Variants in PSD3 observed in about 807,000 individuals in gnomAD.
PSD3 encodes the protein pleckstrin and Sec7 domain containing 3, also known as PH and SEC7 domain-containing protein 3.
In PSD3, 49 loss-of-function variants were observed where a neutral mutation model predicts 105.5. That is an observed-to-expected ratio of 0.46 (90% CI 0.37 to 0.59). The LOEUF is 0.59. PSD3 is among the 20% of genes least tolerant of loss of function. The pLI is 0.00. For missense variants in PSD3, 1,561 were observed against 1,263.8 expected (o/e 1.24, Z -3.57); for synonymous variants, 557 against 457.8 (o/e 1.22, Z -2.77).
intron 3 of PSD3, among the ~76,000 whole-genome samples, chr8:18,871,040 A>T (rs556776438): frequency 6.6e-6 from 1 of 152,306 alleles, no homozygotes; most frequent in African/African-American, 2.4e-5. Context: ...TCAAGGCCGC[A>T]GTGAGCCGTG....
chr8:18,801,965 T>A (rs2469947), intron 6 of PSD3, among the ~76,000 whole-genome samples: 134,532 of 151,740 alleles, frequency 0.89, 59,821 homozygotes, highest in Non-Finnish European at 0.92. Context: ...AGGTCAGATT[T>A]AAAAAAAACA....
Position 19,079,600 on chromosome 8 carries a change from G to C in PSD3, c.324+4606C>G, listed in dbSNP as rs562392628. ...TTAATGAGGTAAGTGACTGCTTCCT[G>C]GGGGTTAAGTAGACCAGGGAGTCAA... On this transcript the variant is annotated intron_variant, in intron 1 of 1. Coordinates refer to the PSD3 transcript ENST00000521475. Among the ~76,000 whole-genome samples the C allele has an allele frequency of 2.6e-5, 4 of 152,264 alleles. No homozygotes were observed. The South Asian group carries it at 8.3e-4, about 32-fold the overall frequency.
At chr8:18,871,486 G>T in intron 3 of PSD3, 140 bp downstream of exon 3, 2 of 1,105,028 alleles carry the variant, frequency 1.8e-6, no homozygotes, top group Non-Finnish European at 2.6e-6. Flanking sequence ...GAAGGACCTA[G>T]CTCACAGTAA....
At chr8:18,612,625 C>G (rs560821997) in intron 11 of PSD3, among the ~76,000 whole-genome samples, 2 of 152,276 alleles carry the variant, frequency 1.3e-5, no homozygotes, top group Non-Finnish European at 2.9e-5. Context: ...CTGCCTCGGC[C>G]TCCCAAAGTG....
At chr8:18,745,741 T>C (rs565311350) in intron 9 of PSD3, among the ~76,000 whole-genome samples, 10 of 152,350 alleles carry the variant, frequency 6.6e-5, no homozygotes, top group African/African-American at 2.2e-4. Context: ...TATATTTACA[T>C]GCATATATAC....
intron 11 of PSD3, among the ~76,000 whole-genome samples, chr8:18,630,737 G>A (rs1267267010): frequency 6.6e-6 from 1 of 151,708 alleles, no homozygotes; most frequent in African/African-American, 2.4e-5. Flanking sequence ...TTCTGCAACT[G>A]TGTATTCAAC....
intron 2 of PSD3, among the ~76,000 whole-genome samples, chr8:18,898,904 C>T (rs1416892776): frequency 6.6e-6 from 1 of 152,120 alleles, no homozygotes; most frequent in Non-Finnish European, 1.5e-5. Flanking sequence ...CAGGCACATT[C>T]AGTGTAAATG....
intron 11 of PSD3, among the ~76,000 whole-genome samples, chr8:18,629,145 T>C (rs1585434223): frequency 6.6e-6 from 1 of 151,988 alleles, no homozygotes; most frequent in African/African-American, 2.4e-5. Context: ...AAAGTGGCTG[T>C]ATTAATATTA....
chr8:18,974,701 G>A (rs1824834337), intron 1 of PSD3, among the ~76,000 whole-genome samples: 1 of 151,904 alleles, frequency 6.6e-6, no homozygotes, highest in Non-Finnish European at 1.5e-5. Flanking sequence ...ACAGTGAAGG[G>A]GCAGGGGAAC....
intron 9 of PSD3, among the ~76,000 whole-genome samples, chr8:18,748,724 T>C (rs1220948974): frequency 6.7e-6 from 1 of 149,436 alleles, no homozygotes; most frequent in Non-Finnish European, 1.5e-5. Flanking sequence ...TCAGTTATAA[T>C]ACGGCAGTAA....
At chr8:18,947,571 G>A (rs951313859) in intron 1 of PSD3, among the ~76,000 whole-genome samples, 9 of 152,154 alleles carry the variant, frequency 5.9e-5, no homozygotes, top group African/African-American at 2.2e-4. Flanking sequence ...GTGGCGGGGG[G>A]CCCAGAGCAG....
At chr8:18,610,112 T>C (rs1269428337) in intron 11 of PSD3, among the ~76,000 whole-genome samples, 1 of 152,236 alleles carries the variant, frequency 6.6e-6, no homozygotes, top group Non-Finnish European at 1.5e-5. Flanking sequence ...CCTTATAGTC[T>C]TTCTCTTTTA....
chr8:18,549,563 T>C (rs948738800), intron 15 of PSD3, among the ~76,000 whole-genome samples: 4 of 152,198 alleles, frequency 2.6e-5, no homozygotes, highest in Non-Finnish European at 4.4e-5. Flanking sequence ...ACTGGACTCA[T>C]GGATTCCCAC....
chr8:18,608,177 G>C (rs924638639), intron 11 of PSD3, among the ~76,000 whole-genome samples: 2 of 152,128 alleles, frequency 1.3e-5, no homozygotes, highest in Non-Finnish European at 2.9e-5. Flanking sequence ...CCATGATCGT[G>C]CCACTGGATT....
intron 9 of PSD3, among the ~76,000 whole-genome samples, chr8:18,750,502 G>A (rs866544539): frequency 3.9e-5 from 6 of 152,100 alleles, no homozygotes; most frequent in South Asian, 2.1e-4. Flanking sequence ...TAAAAGCAGC[G>A]TGGACCCAAA....
At chr8:18,780,018 T>C (rs369111957) in intron 8 of PSD3, among the ~76,000 whole-genome samples, 6 of 152,322 alleles carry the variant, frequency 3.9e-5, no homozygotes, top group African/African-American at 7.2e-5. Flanking sequence ...TGAGAGTCAG[T>C]TGTTGAAGAC....
rs143811552 is a variant in PSD3 at position 18,986,511 on chromosome 8, C to T, written c.21+27052G>A. 5.2e-3 allele frequency among the ~76,000 whole-genome samples: 781 copies of T among 149,654 alleles called. 2 individuals carry two copies. Among genetic ancestry groups the T allele is most frequent in the Non-Finnish European group, 7.5e-3 (507 of 67,700 alleles). On this transcript the variant is annotated intron_variant, in intron 1 of 15. Transcript: ENST00000327040. ...CTCTGGCTTTTTCTGCTTCACTACACATTCTCAGGAAGTCCATAAGCTCTT... is the reference window on the plus strand; with the variant it reads ...CTCTGGCTTTTTCTGCTTCACTACATATTCTCAGGAAGTCCATAAGCTCTT...
chr8:18,892,066 G>A (rs1244004045), intron 2 of PSD3, among the ~76,000 whole-genome samples: 1 of 152,022 alleles, frequency 6.6e-6, no homozygotes, highest in African/African-American at 2.4e-5. Context: ...ACATAAAGAA[G>A]AGCCGAAGAG....
chr8:18,571,136 C>G (rs1585269749), intron 14 of PSD3, among the ~76,000 whole-genome samples: 1 of 152,098 alleles, frequency 6.6e-6, no homozygotes. Context: ...GCTGGGATTA[C>G]AGGCATGAGC....
Sources: gnomAD v4.1 joint callset for allele counts (sites outside exome capture counted in the v4.1 genomes callset) on GRCh38, gnomAD v4.1.1 for gene constraint, MANE v1.5 for transcripts, NCBI Gene and HGNC (gene_info 2026-07-23, HGNC 2026-07-21) for gene names.